Variants in SEMA6D observed in about 807,000 individuals in gnomAD.
The protein encoded by SEMA6D is semaphorin 6D.
In SEMA6D, 35 loss-of-function variants were observed where a neutral mutation model predicts 106.6. The ratio of observed to expected loss-of-function variants is 0.33; its 90% confidence interval spans 0.25 to 0.44. SEMA6D has a LOEUF of 0.44. Among genes scored for constraint, SEMA6D ranks in the 20% least tolerant of loss-of-function variants. The pLI is 1.00. For synonymous variants in SEMA6D, 499 were observed against 487.7 expected (o/e 1.02, Z -0.31); for missense variants, 1,185 against 1,345.9 (o/e 0.88, Z 1.87).
At chr15:47,433,594 A>T (rs1194077005) in intron 2 of SEMA6D, among the ~76,000 whole-genome samples, 3 of 152,126 alleles carry the variant, frequency 2.0e-5, no homozygotes, top group Admixed American at 2.0e-4. Flanking sequence ...TTTTATCAGA[A>T]TCTTTTTCTG....
chr15:47,500,098 A>G (rs1257996126), intron 3 of SEMA6D, among the ~76,000 whole-genome samples: 3 of 152,150 alleles, frequency 2.0e-5, no homozygotes, highest in Non-Finnish European at 4.4e-5. Flanking sequence ...AGCCAGTTTC[A>G]TAGCCAGTCA....
chr15:47,441,850 G>A (rs1363892629), intron 2 of SEMA6D, among the ~76,000 whole-genome samples: 1 of 151,748 alleles, frequency 6.6e-6, no homozygotes, highest in Non-Finnish European at 1.5e-5. Context: ...CAGGATGGAT[G>A]GAGTGTGAGT....
chr15:47,392,919 C>T (rs2040087218), intron 1 of SEMA6D, among the ~76,000 whole-genome samples: 1 of 152,074 alleles, frequency 6.6e-6, no homozygotes, highest in Non-Finnish European at 1.5e-5. Flanking sequence ...TAGAGAGAGA[C>T]TCCTGTCCTG....
chr15:47,721,344 G>T (rs933169205), intron 1 of SEMA6D, among the ~76,000 whole-genome samples: 1 of 152,160 alleles, frequency 6.6e-6, no homozygotes, highest in Admixed American at 6.5e-5. Context: ...TGTAATTCAC[G>T]CATTGAATCT....
In SEMA6D at chr15:47,552,871, T is replaced by A. The variant is rs1452667113; in HGVS notation, c.-86-47994T>A. On this transcript the variant is annotated intron_variant, in intron 3 of 19. Coordinates refer to the SEMA6D transcript ENST00000558014. ...ATATATAAATATATATATATTTTTATATATATATAAATATATATAAATATA... is the reference window on the plus strand; with the variant it reads ...ATATATAAATATATATATATTTTTAAATATATATAAATATATATAAATATA... Among the ~76,000 whole-genome samples the A allele has an allele frequency of 5.3e-3, 289 of 54,316 alleles. 5 individuals are homozygous for A. Among genetic ancestry groups the A allele is most frequent in the Non-Finnish European group, 7.4e-3 (255 of 34,352 alleles). 35.6% of individuals were successfully genotyped at this position (54,316 alleles called of 152,430 possible). A position where few individuals can be genotyped will look rare whatever the true frequency, so the allele number is the denominator to read the frequency against.
intron 3 of SEMA6D, among the ~76,000 whole-genome samples, chr15:47,544,588 G>C (rs1454762480): frequency 1.3e-5 from 2 of 152,200 alleles, no homozygotes; most frequent in East Asian, 3.9e-4. Flanking sequence ...ATTCAGATTA[G>C]TACATGTCAT....
intron 4 of SEMA6D, among the ~76,000 whole-genome samples, chr15:47,615,987 C>G (rs903175946): frequency 1.3e-5 from 2 of 152,196 alleles, no homozygotes; most frequent in African/African-American, 4.8e-5. Context: ...AATTCAAATA[C>G]TTAAATAATA....
chr15:47,599,096 T>G (rs879417342), intron 3 of SEMA6D, among the ~76,000 whole-genome samples: 1 of 152,122 alleles, frequency 6.6e-6, no homozygotes, highest in African/African-American at 2.4e-5. Context: ...GCAGATTTCA[T>G]AGAGCAGGCT....
intron 3 of SEMA6D, among the ~76,000 whole-genome samples, chr15:47,563,707 G>A (rs1415576414): frequency 6.6e-6 from 1 of 152,108 alleles, no homozygotes; most frequent in Non-Finnish European, 1.5e-5. Flanking sequence ...CAGGAAATAA[G>A]TCTTACTTAT....
chr15:47,292,686 GCC>G (rs1476576949), intron 1 of SEMA6D, among the ~76,000 whole-genome samples: 1 of 152,174 alleles, frequency 6.6e-6, no homozygotes, highest in Non-Finnish European at 1.5e-5. Context: ...GCAAACGTTA[GCC>G]TTGCACCCTT....
At chr15:47,597,837 C>T (rs2076567526) in intron 3 of SEMA6D, among the ~76,000 whole-genome samples, 1 of 149,568 alleles carries the variant, frequency 6.7e-6, no homozygotes, top group African/African-American at 2.5e-5. Context: ...AGTCATTCCA[C>T]ATCATTCATA....
chr15:47,582,713 CTG>C (rs2076275704), intron 3 of SEMA6D, among the ~76,000 whole-genome samples: 1 of 152,142 alleles, frequency 6.6e-6, no homozygotes, highest in African/African-American at 2.4e-5. Context: ...ACTAAACAGT[CTG>C]TGATTCTCAG....
At chr15:47,659,727 A>C (rs1029495727) in intron 4 of SEMA6D, among the ~76,000 whole-genome samples, 5 of 152,152 alleles carry the variant, frequency 3.3e-5, no homozygotes, top group Non-Finnish European at 7.4e-5. Flanking sequence ...AGTTCACGAA[A>C]GGAAAGGACT....
chr15:47,448,225 T>C (rs1330186202), intron 2 of SEMA6D, among the ~76,000 whole-genome samples: 1 of 152,082 alleles, frequency 6.6e-6, no homozygotes, highest in East Asian at 1.9e-4. Flanking sequence ...ATTAATGCAA[T>C]TGTACCACGA....
chr15:47,502,254 A>G (rs1407860662), intron 3 of SEMA6D, among the ~76,000 whole-genome samples: 3 of 152,238 alleles, frequency 2.0e-5, no homozygotes, highest in African/African-American at 4.8e-5. Flanking sequence ...GTCGCACTGC[A>G]TGGTGATGGG....
chr15:47,667,530 C>T (rs961234614), intron 4 of SEMA6D, among the ~76,000 whole-genome samples: 1 of 152,158 alleles, frequency 6.6e-6, no homozygotes, highest in Non-Finnish European at 1.5e-5. Context: ...TTAGTCTGAT[C>T]GGGCTGTTCT....
intron 1 of SEMA6D, among the ~76,000 whole-genome samples, chr15:47,192,734 A>G (rs1894051298): frequency 6.6e-6 from 1 of 152,232 alleles, no homozygotes; most frequent in African/African-American, 2.4e-5. Flanking sequence ...GCCCTATCAG[A>G]TATTGAAATG....
intron 3 of SEMA6D, among the ~76,000 whole-genome samples, chr15:47,511,019 G>A (rs993859896): frequency 9.2e-5 from 14 of 152,162 alleles, no homozygotes; most frequent in Non-Finnish European, 1.9e-4. Flanking sequence ...TGTATAATAG[G>A]TATTCACAAG....
At chr15:47,654,393 T>C (rs571500691) in intron 4 of SEMA6D, among the ~76,000 whole-genome samples, 15 of 152,370 alleles carry the variant, frequency 9.8e-5, no homozygotes, top group African/African-American at 3.1e-4. Flanking sequence ...TTGTATGTTA[T>C]CTGTATTCTA....
Sources: gnomAD v4.1 joint callset for allele counts (sites outside exome capture counted in the v4.1 genomes callset) on GRCh38, gnomAD v4.1.1 for gene constraint, MANE v1.5 for transcripts, NCBI Gene and HGNC (gene_info 2026-07-23, HGNC 2026-07-21) for gene names.